Variants in NRXN1 observed in about 807,000 individuals in gnomAD.
NRXN1 encodes the protein neurexin-1.
A neutral mutation model predicts 150.9 loss-of-function variants in NRXN1; 39 were observed. The ratio of observed to expected loss-of-function variants is 0.26; its 90% CI spans 0.20 to 0.34. The LOEUF (loss-of-function observed/expected upper bound fraction) is 0.34, where lower values mean the gene tolerates loss of function less well. Among genes scored for constraint, NRXN1 ranks in the 10% least tolerant of loss-of-function variants. The pLI is 1.00. For synonymous variants in NRXN1, 924 were observed against 757.0 expected, an observed-to-expected ratio of 1.22 and a Z score of -3.62; for missense variants, 1,815 against 1,949.9, an observed-to-expected ratio of 0.93 and a Z score of 1.30.
chr2:50,077,587 A>C (rs1307530581), intron 19 of NRXN1, among the ~76,000 whole-genome samples: 3 of 152,170 alleles, frequency 2.0e-5, no homozygotes, highest in Non-Finnish European at 4.4e-5. Flanking sequence ...TGAAGACTCT[A>C]CTTGGACCTT....
At chr2:50,651,810 A>G (rs150079078) in intron 5 of NRXN1, among the ~76,000 whole-genome samples, 1 of 152,084 alleles carries the variant, frequency 6.6e-6, no homozygotes, top group African/African-American at 2.4e-5. Flanking sequence ...ATAAACAAGG[A>G]GCAATTTTCT....
rs57614861 is a variant in NRXN1 at position 50,885,820 on chromosome 2, AACAC to A, written c.832+36045_832+36048del. ...TGTCTAAATCGTAAATATTTCTATA[AACAC>A]ACACACACACACACACACACACACA... On this transcript the variant is annotated intron_variant, in intron 5 of 22. Transcript: ENST00000401669. Among the ~76,000 whole-genome samples the A allele has an allele frequency of 5.1e-3, 738 of 143,842 alleles. 7 individuals carry two copies. The highest frequency in any genetic ancestry group is 0.014 in the African/African-American group (558 of 39,394). 94.4% of individuals were successfully genotyped at this position (143,842 alleles called of 152,430 possible).
intron 17 of NRXN1, among the ~76,000 whole-genome samples, chr2:50,289,142 A>C (rs919752274): frequency 1.3e-5 from 2 of 152,202 alleles, no homozygotes; most frequent in Non-Finnish European, 2.9e-5. Flanking sequence ...GAGGAGAATG[A>C]ATAACATGTA....
At chr2:50,573,728 T>G (rs185309483) in intron 8 of NRXN1, among the ~76,000 whole-genome samples, 6 of 144,486 alleles carry the variant, frequency 4.2e-5, no homozygotes, top group Admixed American at 7.1e-5. Context: ...CAACAGCGGA[T>G]GGAAGATATT....
chr2:50,200,211 T>C (rs2062059816), intron 18 of NRXN1, among the ~76,000 whole-genome samples: 2 of 152,312 alleles, frequency 1.3e-5, no homozygotes, highest in Non-Finnish European at 1.5e-5. Flanking sequence ...CATAAATGTA[T>C]ATCATAGCAT....
intron 15 of NRXN1, among the ~76,000 whole-genome samples, chr2:50,483,843 A>G (rs1419029201): frequency 6.6e-6 from 1 of 152,220 alleles, no homozygotes; most frequent in African/African-American, 2.4e-5. Context: ...AATAGGGAAC[A>G]AGTAGCAGAA....
At chr2:50,674,521 A>C (rs1197064890) in intron 5 of NRXN1, among the ~76,000 whole-genome samples, 2 of 152,090 alleles carry the variant, frequency 1.3e-5, no homozygotes, top group Non-Finnish European at 2.9e-5. Context: ...TGGAAAATAG[A>C]AAGGAAGCAA....
Position 50,040,354 on chromosome 2 carries a change from A to G in NRXN1, c.4128+12917T>C, listed in dbSNP as rs1436792781. Among the ~76,000 whole-genome samples the G allele has an allele frequency of 2.0e-5, 3 of 150,640 alleles. No homozygotes were observed. In the East Asian group the frequency reaches 5.8e-4, roughly 29 times the overall value. ...ATTTACATATAGTTTTATCTAATATATATCAAGTATTATATATATAATATT... is the reference window on the plus strand; with the variant it reads ...ATTTACATATAGTTTTATCTAATATGTATCAAGTATTATATATATAATATT... On this transcript the variant is annotated intron_variant, in intron 21 of 22. Transcript: ENST00000401669.
chr2:50,043,291 G>A (rs565899312), intron 21 of NRXN1, among the ~76,000 whole-genome samples: 1 of 152,218 alleles, frequency 6.6e-6, no homozygotes, highest in East Asian at 1.9e-4. Context: ...TTGGACAGTG[G>A]AAAGCCCTCA....
At chr2:49,983,657 ACAACTTTTGTTAATTAAGTG>A (rs1680380273) in intron 21 of NRXN1, among the ~76,000 whole-genome samples, 1 of 152,182 alleles carries the variant, frequency 6.6e-6, no homozygotes, top group African/African-American at 2.4e-5. Flanking sequence ...TCATACAGAA[ACAACTTTTGTTAATTAAGTG>A]TTAGGACTAG....
intron 2 of NRXN1, among the ~76,000 whole-genome samples, chr2:50,976,121 G>A (rs956316616): frequency 2.7e-5 from 4 of 150,744 alleles, no homozygotes; most frequent in African/African-American, 9.7e-5. Context: ...GACTTGTACT[G>A]TTTTCAAATG....
intron 19 of NRXN1, among the ~76,000 whole-genome samples, chr2:50,076,747 C>T (rs1323903134): frequency 6.6e-6 from 1 of 152,124 alleles, no homozygotes; most frequent in Non-Finnish European, 1.5e-5. Context: ...TTAGACTTGG[C>T]ACTCACTTCT....
At chr2:50,993,643 C>T (rs1454758144) in intron 2 of NRXN1, among the ~76,000 whole-genome samples, 1 of 151,916 alleles carries the variant, frequency 6.6e-6, no homozygotes, top group African/African-American at 2.4e-5. Context: ...AAATATTTTT[C>T]ATTTCTGGTA....
At chr2:50,431,392 T>TA (rs2084952542) in intron 17 of NRXN1, among the ~76,000 whole-genome samples, 1 of 152,210 alleles carries the variant, frequency 6.6e-6, no homozygotes, top group Admixed American at 6.5e-5. Context: ...AGCTCTTTAA[T>TA]TGCTCATTCT....
intron 17 of NRXN1, among the ~76,000 whole-genome samples, chr2:50,272,361 C>T (rs922194768): frequency 3.3e-5 from 5 of 152,120 alleles, no homozygotes; most frequent in Non-Finnish European, 5.9e-5. Context: ...GTAGGAGAAA[C>T]GTAGCTGACT....
In NRXN1 at chr2:50,960,294, T is replaced by G. The variant is rs111652441; in HGVS notation, c.773-34339A>C. On this transcript the variant is annotated intron_variant, in intron 2 of 22. Coordinates refer to ENST00000401669, the MANE Select transcript of NRXN1 (RefSeq NM_001330078.2). ...GGACTTAACAACTTTTTCCCAGCTT[T>G]CTTTCTCTCCTCATCCCTCCCTCCC... Among the ~76,000 whole-genome samples the G allele has an allele frequency of 7.2e-3, 1,088 of 151,824 alleles. 19 individuals carry two copies. Among genetic ancestry groups the G allele is most frequent in the African/African-American group, 0.023 (959 of 41,462 alleles).
At chr2:50,708,370 G>T (rs1254816630) in intron 5 of NRXN1, among the ~76,000 whole-genome samples, 1 of 152,110 alleles carries the variant, frequency 6.6e-6, no homozygotes, top group Non-Finnish European at 1.5e-5. Context: ...CATTTGATTG[G>T]AATTATATCA....
intron 17 of NRXN1, among the ~76,000 whole-genome samples, chr2:50,414,643 C>T (rs1159770935): frequency 6.6e-6 from 1 of 151,924 alleles, no homozygotes; most frequent in African/African-American, 2.4e-5. Flanking sequence ...AAATCATAAT[C>T]ACTCCTAAAG....
intron 5 of NRXN1, among the ~76,000 whole-genome samples, chr2:50,773,895 A>T (rs929982657): frequency 8.5e-5 from 13 of 152,092 alleles, no homozygotes; most frequent in African/African-American, 3.1e-4. Context: ...ACCCACAAGC[A>T]ACACAAGGAC....
Sources: gnomAD v4.1 joint callset for allele counts (sites outside exome capture counted in the v4.1 genomes callset) on GRCh38, gnomAD v4.1.1 for gene constraint, MANE v1.5 for transcripts, NCBI Gene and HGNC (gene_info 2026-07-23, HGNC 2026-07-21) for gene names.